Variants in SCHIP1 observed in about 807,000 individuals in gnomAD.
The protein encoded by SCHIP1 is schwannomin interacting protein 1.
SCHIP1 carries 8 observed loss-of-function variants against 29.7 expected under a neutral mutation model. That is an observed-to-expected ratio of 0.27 (90% CI 0.16 to 0.49). SCHIP1 has a LOEUF of 0.49. SCHIP1 is among the 20% of genes least tolerant of loss of function. SCHIP1 has a pLI of 0.99. For synonymous variants in SCHIP1, 76 were observed against 94.9 expected (o/e 0.80, Z 1.16); for missense variants, 193 against 294.6 (o/e 0.66, Z 2.52).
At chr3:159,776,073 C>G in the SCHIP1 span, among the ~76,000 whole-genome samples, 1 of 152,228 alleles carries the variant, frequency 6.6e-6, no homozygotes, top group Middle Eastern at 3.4e-3. Context: ...GAGTCTGAAC[C>G]TCTAGGAAAC....
At chr3:159,680,705 T>A in the SCHIP1 span, among the ~76,000 whole-genome samples, 1 of 5,592 alleles carries the variant, frequency 1.8e-4, no homozygotes, top group Non-Finnish European at 3.6e-4. Context: ...ATAATATATA[T>A]TATATATAAT....
chr3:159,507,307 A>C, the SCHIP1 span, among the ~76,000 whole-genome samples: 1 of 152,290 alleles, frequency 6.6e-6, no homozygotes, highest in Non-Finnish European at 1.5e-5. Flanking sequence ...TGATTTTTGC[A>C]CATTGATTTT....
the SCHIP1 span, among the ~76,000 whole-genome samples, chr3:159,626,155 T>TCTATATAGATAGATAGATAGATAGATAG: frequency 6.0e-5 from 7 of 117,108 alleles, 1 homozygote; most frequent in African/African-American, 3.2e-4. Flanking sequence ...TAGATATATA[T>TCTATATAGATAGATAGATAGATAGATAG]ATATATCTAG....
the SCHIP1 span, among the ~76,000 whole-genome samples, chr3:159,537,238 C>T: frequency 6.6e-6 from 1 of 152,128 alleles, no homozygotes; most frequent in Admixed American, 6.6e-5. Context: ...GTGCTGATTG[C>T]AGTTCACCCC....
chr3:159,851,043 A>T (rs1712559261), intron 1 of SCHIP1, among the ~76,000 whole-genome samples: 1 of 152,202 alleles, frequency 6.6e-6, no homozygotes, highest in Non-Finnish European at 1.5e-5. Flanking sequence ...GGAGGCCAAG[A>T]TAGGAAGATC....
the SCHIP1 span, among the ~76,000 whole-genome samples, chr3:159,502,954 G>A: frequency 6.6e-6 from 1 of 152,182 alleles, no homozygotes; most frequent in South Asian, 2.1e-4. Context: ...ACGCTAAAAG[G>A]CGGTAGATTG....
chr3:159,526,574 C>T, the SCHIP1 span, among the ~76,000 whole-genome samples: 7 of 152,202 alleles, frequency 4.6e-5, no homozygotes, highest in Non-Finnish European at 7.3e-5. Context: ...CTGACTCCAA[C>T]GCTGACTTGT....
the SCHIP1 span, among the ~76,000 whole-genome samples, chr3:159,283,399 G>T: frequency 6.6e-6 from 1 of 152,006 alleles, no homozygotes; most frequent in Non-Finnish European, 1.5e-5. Flanking sequence ...GTGATCCGCC[G>T]CCCGCCTTGG....
At chr3:159,800,908 G>T in the SCHIP1 span, among the ~76,000 whole-genome samples, 45 of 149,572 alleles carry the variant, frequency 3.0e-4, no homozygotes, top group East Asian at 8.7e-3. Flanking sequence ...TACCAAAAAT[G>T]CAGGTCATAG....
At chr3:159,452,824 C>T in the SCHIP1 span, among the ~76,000 whole-genome samples, 3 of 139,944 alleles carry the variant, frequency 2.1e-5, no homozygotes, top group African/African-American at 9.2e-5. Flanking sequence ...TGTTTCCTGT[C>T]TGAAAACATT....
At chr3:159,385,717 ATTATAC>A in the SCHIP1 span, among the ~76,000 whole-genome samples, 3 of 152,212 alleles carry the variant, frequency 2.0e-5, no homozygotes, top group Non-Finnish European at 4.4e-5. Flanking sequence ...CATTTTTAAA[ATTATAC>A]TTTAAGTTCT....
the SCHIP1 span, among the ~76,000 whole-genome samples, chr3:159,372,315 A>T: frequency 1.3e-5 from 2 of 152,244 alleles, no homozygotes; most frequent in African/African-American, 4.8e-5. Context: ...AAAGACCTTC[A>T]ATTTCAAATT....
the SCHIP1 span, among the ~76,000 whole-genome samples, chr3:159,742,382 C>A: frequency 2.6e-5 from 4 of 152,182 alleles, no homozygotes; most frequent in African/African-American, 9.7e-5. Flanking sequence ...AAATATTGTC[C>A]ATGAAGCAAG....
chr3:159,530,229 A>T, the SCHIP1 span, among the ~76,000 whole-genome samples: 2 of 152,200 alleles, frequency 1.3e-5, no homozygotes, highest in Admixed American at 1.3e-4. Flanking sequence ...GGAAGCACTC[A>T]TCCACCTACT....
chr3:159,385,337 C>A, the SCHIP1 span, among the ~76,000 whole-genome samples: 1 of 152,144 alleles, frequency 6.6e-6, no homozygotes, highest in African/African-American at 2.4e-5. Flanking sequence ...TTGGGCAGAT[C>A]AGTTGAGGCC....
At chr3:159,508,586 C>A in the SCHIP1 span, among the ~76,000 whole-genome samples, 11 of 152,302 alleles carry the variant, frequency 7.2e-5, no homozygotes, top group African/African-American at 2.4e-4. Context: ...ATCTTTCTTG[C>A]TTTCTCTTGT....
chr3:159,330,111 A>T, the SCHIP1 span, among the ~76,000 whole-genome samples: 2,475 of 152,294 alleles, frequency 0.016, 56 homozygotes, highest in African/African-American at 0.056. Context: ...TCCTATCAGG[A>T]CTATTGTGAT....
chr3:159,801,760 G>C, the SCHIP1 span, among the ~76,000 whole-genome samples: 1 of 151,708 alleles, frequency 6.6e-6, no homozygotes. Flanking sequence ...TTAAAATTCT[G>C]GTACACACAG....
At chr3:159,474,690 T>C in the SCHIP1 span, among the ~76,000 whole-genome samples, 2 of 151,848 alleles carry the variant, frequency 1.3e-5, no homozygotes, top group Non-Finnish European at 2.9e-5. Context: ...TAAGATTAGG[T>C]GGGAAGGGAG....
Sources: gnomAD v4.1 joint callset for allele counts (sites outside exome capture counted in the v4.1 genomes callset) on GRCh38, gnomAD v4.1.1 for gene constraint, MANE v1.5 for transcripts, NCBI Gene and HGNC (gene_info 2026-07-23, HGNC 2026-07-21) for gene names.